Variants in UST observed in about 807,000 individuals in gnomAD.
UST encodes uronyl 2-sulfotransferase.
Under a neutral mutation model 45.6 loss-of-function variants are expected in UST, and 21 were observed. The observed-to-expected ratio is 0.46, with a 90% confidence interval of 0.33 to 0.66. The LOEUF is 0.66. UST is among the 30% of genes least tolerant of loss of function. UST has a pLI of 0.02. For missense variants in UST, 463 were observed against 512.4 expected (o/e 0.90, Z 0.93); for synonymous variants, 215 against 200.6 (o/e 1.07, Z -0.61).
intron 5 of UST, among the ~76,000 whole-genome samples, chr6:149,007,535 G>A (rs11760102): frequency 0.094 from 14,010 of 148,374 alleles, 802 homozygotes; most frequent in Admixed American, 0.13. Flanking sequence ...TGATCCGCCC[G>A]TCTCGGCCTC....
At chr6:148,914,378 A>G (rs1779541310) in intron 2 of UST, among the ~76,000 whole-genome samples, 1 of 138,728 alleles carries the variant, frequency 7.2e-6, no homozygotes, top group African/African-American at 2.7e-5. Context: ...TGTGTGGAAG[A>G]TAATTTTTCC....
At chr6:148,878,879 C>T (rs1455449144) in intron 1 of UST, among the ~76,000 whole-genome samples, 2 of 151,824 alleles carry the variant, frequency 1.3e-5, no homozygotes, top group African/African-American at 4.8e-5. Flanking sequence ...ATGAGTGTCT[C>T]CAGGACTGAC....
chr6:148,847,007 A>G (rs1229578217), intron 1 of UST, among the ~76,000 whole-genome samples: 1 of 152,258 alleles, frequency 6.6e-6, no homozygotes, highest in African/African-American at 2.4e-5. Context: ...CTGGGAGGCC[A>G]TGCTTCAGCA....
chr6:148,751,523 A>G (rs1403308786), intron 1 of UST, among the ~76,000 whole-genome samples: 8 of 152,222 alleles, frequency 5.3e-5, no homozygotes, highest in African/African-American at 1.9e-4. Context: ...GGGGAAAGGC[A>G]GAGTATGTTC....
chr6:148,914,634 G>A (rs1257678422), intron 2 of UST, among the ~76,000 whole-genome samples: 1 of 152,138 alleles, frequency 6.6e-6, no homozygotes, highest in African/African-American at 2.4e-5. Flanking sequence ...ACGCTCCTAT[G>A]AGAATATAAT....
At chr6:148,762,699 T>G (rs1274662069) in intron 1 of UST, among the ~76,000 whole-genome samples, 2 of 152,172 alleles carry the variant, frequency 1.3e-5, no homozygotes, top group Non-Finnish European at 2.9e-5. Flanking sequence ...TCTCCCTCCC[T>G]GCTTTTGAGA....
chr6:148,885,305 T>C (rs1007607789), intron 1 of UST, among the ~76,000 whole-genome samples: 3 of 152,172 alleles, frequency 2.0e-5, no homozygotes, highest in African/African-American at 7.2e-5. Context: ...GCTGAGCAGA[T>C]GGGAGCTCCA....
chr6:148,789,270 T>A (rs1776790405), intron 1 of UST, among the ~76,000 whole-genome samples: 1 of 152,120 alleles, frequency 6.6e-6, no homozygotes, highest in African/African-American at 2.4e-5. Context: ...TCAATGTGTG[T>A]TCTGAGTCAG....
intron 7 of UST, among the ~76,000 whole-genome samples, chr6:149,063,092 G>C (rs187528087): frequency 1.3e-5 from 2 of 152,306 alleles, no homozygotes; most frequent in East Asian, 3.9e-4. Context: ...TCTCCACTCA[G>C]GACCGTAACT....
chr6:148,838,863 G>C (rs1437885054), intron 1 of UST, among the ~76,000 whole-genome samples: 1 of 152,144 alleles, frequency 6.6e-6, no homozygotes, highest in African/African-American at 2.4e-5. Context: ...TAGGCATCCA[G>C]GATAGTGTGA....
intron 5 of UST, among the ~76,000 whole-genome samples, chr6:149,003,588 G>A (rs1781593353): frequency 6.6e-6 from 1 of 152,190 alleles, no homozygotes; most frequent in African/African-American, 2.4e-5. Context: ...CACTATAATG[G>A]TGAGAATTAG....
At chr6:148,956,383 G>GA (rs5880820) in intron 4 of UST, among the ~76,000 whole-genome samples, 124,688 of 152,078 alleles carry the variant, frequency 0.82, 51,259 homozygotes, top group East Asian at 0.98. Context: ...GGCGGCAAGA[G>GA]AAATGAGGAA....
intron 1 of UST, among the ~76,000 whole-genome samples, chr6:148,803,211 G>C (rs1777083605): frequency 6.6e-6 from 1 of 152,096 alleles, no homozygotes; most frequent in Non-Finnish European, 1.5e-5. Context: ...CTAGAATCAA[G>C]AGTAATTCTC....
chr6:148,899,948 T>C (rs1239492534), intron 2 of UST, among the ~76,000 whole-genome samples: 5 of 152,198 alleles, frequency 3.3e-5, no homozygotes, highest in African/African-American at 1.2e-4. Context: ...GTGTATGTTA[T>C]TGGGGCTAAA....
intron 3 of UST, among the ~76,000 whole-genome samples, chr6:148,941,714 A>G (rs1026385561): frequency 1.2e-4 from 19 of 152,178 alleles, no homozygotes; most frequent in Non-Finnish European, 2.8e-4. Context: ...CGATATATAC[A>G]TCTCAAAGAG....
At chr6:148,873,932 C>T (rs571810950) in intron 1 of UST, among the ~76,000 whole-genome samples, 1 of 152,350 alleles carries the variant, frequency 6.6e-6, no homozygotes, top group African/African-American at 2.4e-5. Flanking sequence ...ATCAGGGGTG[C>T]TTCGTGCAAT....
rs1421708795 is a variant in UST, at chr6:148,896,434, C to T, written c.291+9405C>T. ...TTCCATGTGGCCACAGCTCCTGAAG[C>T]CATTGCTGCTGCTAAGAGGGTGCCC... On this transcript the variant is annotated intron_variant, in intron 2 of 7. Transcript: ENST00000367463. Among the ~76,000 whole-genome samples, 5 of 152,316 alleles carry T rather than the reference C, an allele frequency of 3.3e-5. No individual in the cohort carries two copies. The East Asian group carries it at 9.6e-4, about 29-fold the overall frequency.
At chr6:149,030,132 C>T (rs1232935565) in intron 7 of UST, among the ~76,000 whole-genome samples, 1 of 151,918 alleles carries the variant, frequency 6.6e-6, no homozygotes, top group Non-Finnish European at 1.5e-5. Context: ...ATTTTCTAAA[C>T]AAGGAAACCA....
At chr6:148,979,597 A>T (rs751173613) in intron 5 of UST, among the ~76,000 whole-genome samples, 4 of 152,216 alleles carry the variant, frequency 2.6e-5, no homozygotes, top group Admixed American at 6.5e-5. Context: ...CAGTCCATCC[A>T]TTCAGCTACA....
Sources: allele counts gnomAD v4.1 joint callset (sites outside exome capture counted in the v4.1 genomes callset), GRCh38; gene constraint gnomAD v4.1.1; transcripts MANE v1.5; gene names NCBI Gene and HGNC (gene_info 2026-07-23, HGNC 2026-07-21).